Variants in REDIC1 observed in about 807,000 individuals in gnomAD.
The protein encoded by REDIC1 is regulator of DNA class I crossover intermediates 1.
chr12:39,703,531 T>G, the REDIC1 span, among the ~76,000 whole-genome samples: 2 of 151,642 alleles, frequency 1.3e-5, no homozygotes, highest in Non-Finnish European at 1.5e-5. Flanking sequence ...ACAGATTCAA[T>G]GCCATCCCCA....
chr12:39,703,198 C>T, the REDIC1 span, among the ~76,000 whole-genome samples: 1 of 151,944 alleles, frequency 6.6e-6, no homozygotes, highest in South Asian at 2.1e-4. Flanking sequence ...TTGTCTCAGC[C>T]CAAAATCTCC....
At chr12:39,643,072 A>G in the REDIC1 span, among the ~76,000 whole-genome samples, 1 of 151,760 alleles carries the variant, frequency 6.6e-6, no homozygotes, top group South Asian at 2.1e-4. Context: ...GAGTTATTTA[A>G]TGGAAGAGAA....
At chr12:39,805,597 C>G in the REDIC1 span, among the ~76,000 whole-genome samples, 4 of 151,902 alleles carry the variant, frequency 2.6e-5, no homozygotes, top group African/African-American at 9.7e-5. Flanking sequence ...TTAAAACATG[C>G]TACAGTATTT....
At chr12:39,649,271 T>G in the REDIC1 span, among the ~76,000 whole-genome samples, 5 of 151,882 alleles carry the variant, frequency 3.3e-5, no homozygotes, top group East Asian at 7.7e-4. Flanking sequence ...ATAGCGTACT[T>G]GGAGGAATTT....
chr12:39,800,990 G>A, the REDIC1 span, among the ~76,000 whole-genome samples: 20 of 13,548 alleles, frequency 1.5e-3, no homozygotes, highest in African/African-American at 4.1e-3. Flanking sequence ...GTAAACTATC[G>A]CAAGAACAAA....
the REDIC1 span, chr12:39,647,811 A>C: frequency 6.3e-7 from 1 of 1,592,998 alleles, no homozygotes; most frequent in African/African-American, 1.4e-5. Context: ...ATGGACTCAT[A>C]TAGTATGCTT....
At chr12:39,737,999 A>G in the REDIC1 span, among the ~76,000 whole-genome samples, 1 of 152,238 alleles carries the variant, frequency 6.6e-6, no homozygotes, top group Admixed American at 6.5e-5. Context: ...ACAGAGAATA[A>G]CTTGTCTAGA....
the REDIC1 span, among the ~76,000 whole-genome samples, chr12:39,694,677 A>G: frequency 0.87 from 131,819 of 152,082 alleles, 57,384 homozygotes; most frequent in African/African-American, 0.92. Flanking sequence ...AGGCCACAAG[A>G]ACTGCAACTC....
the REDIC1 span, among the ~76,000 whole-genome samples, chr12:39,888,922 T>C: frequency 1.3e-5 from 2 of 152,182 alleles, no homozygotes; most frequent in Non-Finnish European, 2.9e-5. Context: ...AGATTTCAAA[T>C]AAATATATAA....
chr12:39,869,863 G>T, the REDIC1 span, among the ~76,000 whole-genome samples: 2 of 152,212 alleles, frequency 1.3e-5, no homozygotes, highest in Non-Finnish European at 2.9e-5. Context: ...AAAATGCTCA[G>T]AGCCCTTTAC....
the REDIC1 span, among the ~76,000 whole-genome samples, chr12:39,731,256 C>A: frequency 1.3e-5 from 2 of 152,148 alleles, no homozygotes; most frequent in African/African-American, 2.4e-5. Flanking sequence ...GAATTTTCAG[C>A]CTTTTTGTGC....
At chr12:39,696,891 G>GA in the REDIC1 span, among the ~76,000 whole-genome samples, 20 of 151,846 alleles carry the variant, frequency 1.3e-4, no homozygotes, top group African/African-American at 4.8e-4. Flanking sequence ...GGAGACAAAA[G>GA]AAAAAATAAA....
At chr12:39,906,559 C>T in the REDIC1 span, among the ~76,000 whole-genome samples, 1 of 151,906 alleles carries the variant, frequency 6.6e-6, no homozygotes, top group Non-Finnish European at 1.5e-5. Context: ...TGAAAGAAAC[C>T]ATTTTATTTC....
chr12:39,816,467 T>C, the REDIC1 span, among the ~76,000 whole-genome samples: 5 of 147,170 alleles, frequency 3.4e-5, no homozygotes, highest in Non-Finnish European at 6.0e-5. Flanking sequence ...CATTAGGAGA[T>C]ATACCTAATG....
At chr12:39,635,823 T>A in the REDIC1 span, among the ~76,000 whole-genome samples, 1 of 151,976 alleles carries the variant, frequency 6.6e-6, no homozygotes, top group African/African-American at 2.4e-5. Context: ...GATGTAGAGG[T>A]TTTATGGTAT....
At chr12:39,670,890 T>C in the REDIC1 span, among the ~76,000 whole-genome samples, 8 of 152,082 alleles carry the variant, frequency 5.3e-5, no homozygotes, top group Admixed American at 2.6e-4. Context: ...CAGGACTTCT[T>C]TTTTGTGATA....
the REDIC1 span, among the ~76,000 whole-genome samples, chr12:39,810,973 C>T: frequency 6.6e-6 from 1 of 152,050 alleles, no homozygotes; most frequent in African/African-American, 2.4e-5. Context: ...CCACTCTGCC[C>T]TTTTCTGAAA....
chr12:39,639,282 A>G, the REDIC1 span, among the ~76,000 whole-genome samples: 1 of 151,954 alleles, frequency 6.6e-6, no homozygotes. Context: ...TCTTTGCTCA[A>G]TGAGTTCAAA....
the REDIC1 span, among the ~76,000 whole-genome samples, chr12:39,881,308 A>G: frequency 6.6e-6 from 1 of 152,216 alleles, no homozygotes; most frequent in Admixed American, 6.5e-5. Context: ...CATAGATGAC[A>G]ATATGAGTGT....
Sources: allele counts gnomAD v4.1 joint callset (sites outside exome capture counted in the v4.1 genomes callset), GRCh38; gene constraint gnomAD v4.1.1; transcripts MANE v1.5; gene names NCBI Gene and HGNC (gene_info 2026-07-23, HGNC 2026-07-21).